DHX32: variants seen among roughly 807,000 people sequenced by gnomAD.
The protein encoded by DHX32 is DEAH-box helicase 32 (putative).
Under a neutral mutation model 70.0 loss-of-function variants are expected in DHX32, and 51 were observed. The ratio of observed to expected loss-of-function variants is 0.73; its 90% CI spans 0.58 to 0.92. The LOEUF (loss-of-function observed/expected upper bound fraction) is 0.92. Ranked by LOEUF, DHX32 falls within the 40% of genes least tolerant of loss-of-function variation. DHX32 has a pLI of 0.00. For synonymous variants in DHX32, 310 were observed against 315.3 expected, an observed-to-expected ratio of 0.98 and a Z score of 0.18; for missense variants, 762 against 891.8, an observed-to-expected ratio of 0.85 and a Z score of 1.85.
At position 125,880,612 on chromosome 10, in the gene DHX32, A is replaced by G; in HGVS notation, c.213T>C (p.Phe71=). The stretch of plus-strand genomic sequence containing the variant: ...TTTGATTTTGAAGCAGGTTCTCCAT[A>G]AAGGAGTATTTTTCTTTCCATATAG... ...DLPIWKEKYS[F]MENLLQNQIV... Residue 71 remains phenylalanine (F), a synonymous_variant, in exon 1 of 11, where the codon TTT becomes TTC. Transcript: ENST00000284690. The G allele has an allele frequency of 6.2e-7, 1 of 1,614,090 alleles. No homozygotes were observed. The highest frequency in any genetic ancestry group is 8.5e-7 in the Non-Finnish European group (1 of 1,179,984).
At chr10:125,842,225 C>T (rs1386759407) in intron 6 of DHX32, 12 of 352,506 alleles carry the variant, frequency 3.4e-5, no homozygotes, top group Non-Finnish European at 6.1e-5. Context: ...AGTAGGAAAA[C>T]AATGCCAGGG....
chr10:125,864,750 G>A (rs1054483950), intron 2 of DHX32, among the ~76,000 whole-genome samples: 4 of 151,674 alleles, frequency 2.6e-5, no homozygotes, highest in Non-Finnish European at 5.9e-5. Flanking sequence ...GCAACATGGC[G>A]AAACCCCGTC....
At chr10:125,854,283 T>A in intron 3 of DHX32, 80 bp from the exon 4 acceptor site, 1 of 1,412,084 alleles carries the variant, frequency 7.1e-7, no homozygotes, top group South Asian at 1.5e-5. Flanking sequence ...TTACAAAAAA[T>A]TTTAGGCAAT....
At position 125,868,833 on chromosome 10, in the gene DHX32, T is replaced by C. The variant is rs559948983; in HGVS notation, c.283-1650A>G. Among the ~76,000 whole-genome samples the C allele has an allele frequency of 3.0e-4, 45 of 152,264 alleles. 1 individual carries two copies. In the South Asian group the frequency reaches 9.3e-3, roughly 32 times the overall value. On this transcript the variant is annotated intron_variant, in intron 1 of 10. Coordinates refer to ENST00000284690, the MANE Select transcript of DHX32 (RefSeq NM_018180.3). ...TCAAGTTTGAACTCTGGTGTCGTTT[T>C]CTCCACAAGGCTTGCTGTGATCCCC...
intron 1 of DHX32, chr10:125,869,229 G>T (rs977769821): frequency 2.0e-4 from 31 of 152,092 alleles, no homozygotes; most frequent in African/African-American, 7.2e-4. Flanking sequence ...CCCTAGCCAA[G>T]ACCTCAAACA....
chr10:125,853,704 T>G, intron 4 of DHX32: 1 of 436,320 alleles, frequency 2.3e-6, no homozygotes, highest in East Asian at 4.0e-5. Flanking sequence ...TATGCTCTAG[T>G]AGTTGAGTCT....
upstream of DHX32, among the ~76,000 whole-genome samples, chr10:125,885,671 A>G (rs970002379): frequency 6.6e-6 from 1 of 152,236 alleles, no homozygotes; most frequent in Non-Finnish European, 1.5e-5. Context: ...CTTCTGATCT[A>G]CGAAGCTGTT....
intron 6 of DHX32, 85 bp downstream of exon 6, chr10:125,852,208 G>C: frequency 4.6e-6 from 7 of 1,506,918 alleles, no homozygotes; most frequent in Non-Finnish European, 6.3e-6. Context: ...GCATTGCTGC[G>C]CATCATGTGA....
intron 6 of DHX32, among the ~76,000 whole-genome samples, chr10:125,849,839 C>A (rs1283209153): frequency 1.3e-5 from 2 of 152,196 alleles, no homozygotes; most frequent in Non-Finnish European, 2.9e-5. Flanking sequence ...AGCGCATATA[C>A]TTCTCTAGTA....
Position 125,839,697 on chromosome 10 carries a change from A to T in DHX32, c.1694-509T>A, listed in dbSNP as rs578023586. Among the ~76,000 whole-genome samples the T allele has an allele frequency of 1.3e-3, 202 of 152,324 alleles. 1 individual carries two copies. The highest frequency in any genetic ancestry group is 4.7e-3 in the African/African-American group (195 of 41,568). On this transcript the variant is annotated intron_variant, in intron 8 of 10. Coordinates refer to ENST00000284690, the MANE Select transcript of DHX32 (RefSeq NM_018180.3). Reference sequence around the variant, plus strand: ...GGTTGATTTGGGAATTAATTATGTTATAGTTAAGCTCATCTATCTACCCTA... The same window carrying T: ...GGTTGATTTGGGAATTAATTATGTTTTAGTTAAGCTCATCTATCTACCCTA...
intron 6 of DHX32, 38 bp downstream of exon 6, chr10:125,852,255 C>T: frequency 6.2e-7 from 1 of 1,605,118 alleles, no homozygotes; most frequent in Non-Finnish European, 8.5e-7. Flanking sequence ...AGGTGAATCT[C>T]AGCCTAATGC....
intron 1 of DHX32, among the ~76,000 whole-genome samples, chr10:125,868,806 CT>C (rs1340778908): frequency 1.3e-5 from 2 of 152,040 alleles, no homozygotes; most frequent in Non-Finnish European, 2.9e-5. Context: ...GAGAATTATC[CT>C]TCAAGTTTGA....
intron 6 of DHX32, among the ~76,000 whole-genome samples, chr10:125,845,920 C>T (rs1045772296): frequency 8.5e-5 from 13 of 152,224 alleles, no homozygotes; most frequent in South Asian, 8.3e-4. Flanking sequence ...GAAGGAAACA[C>T]ACGCAGACCT....
chr10:125,864,850 A>G (rs926668212), intron 2 of DHX32, among the ~76,000 whole-genome samples: 1 of 144,584 alleles, frequency 6.9e-6, no homozygotes, highest in Non-Finnish European at 1.5e-5. Flanking sequence ...TAATCGCTTG[A>G]ACCCGGAAGA....
chr10:125,855,574 G>A (rs1403232220), intron 3 of DHX32, among the ~76,000 whole-genome samples: 8 of 147,762 alleles, frequency 5.4e-5, no homozygotes, highest in African/African-American at 1.5e-4. Context: ...TCAGCCTCCC[G>A]AGTAGCTGGG....
rs1564826175 is a variant in DHX32, at chr10:125,852,310, TCA to T, written c.1332_1333del (p.Cys444Ter). The T allele has an allele frequency of 6.2e-7, 1 of 1,614,132 alleles. No individual in the cohort carries two copies. Among genetic ancestry groups the T allele is most frequent in the South Asian group, 1.1e-5 (1 of 91,084 alleles). On this transcript the variant is annotated stop_gained and frameshift_variant, in exon 6 of 11. Coordinates refer to ENST00000284690, the MANE Select transcript of DHX32 (RefSeq NM_018180.3). LOFTEE classifies it high-confidence loss of function. ...AAGGCTACCTGGTCTGTTCATGAAG[TCA>T]CAGTGGCCTAGGCCCGCAATGTCTA...
At chr10:125,894,922 C>G (rs1275802449) in intron 1 of DHX32, among the ~76,000 whole-genome samples, 6 of 152,286 alleles carry the variant, frequency 3.9e-5, no homozygotes, top group African/African-American at 1.2e-4. Context: ...TACTTTCTGT[C>G]TAAAAATGAA....
intron 6 of DHX32, among the ~76,000 whole-genome samples, chr10:125,851,644 T>C (rs1944090287): frequency 6.6e-6 from 1 of 152,126 alleles, no homozygotes; most frequent in African/African-American, 2.4e-5. Flanking sequence ...GAGACTAGAA[T>C]ATGCCACCCC....
chr10:125,850,155 T>A lies in DHX32; in HGVS notation c.1351+2138A>T, dbSNP rs1033204674. ...TCATTAAAAAAAAAAAAAAAAAAAA[T>A]TTGTAGAGATGGGGTCTTGTTATAT... On this transcript the variant is annotated intron_variant, in intron 6 of 10. Transcript: ENST00000284690. Among the ~76,000 whole-genome samples the A allele has an allele frequency of 4.0e-5, 6 of 149,348 alleles. No individual in the cohort carries two copies. The East Asian group carries it at 1.2e-3, about 29-fold the overall frequency.
Sources: gnomAD v4.1 joint callset for allele counts (sites outside exome capture counted in the v4.1 genomes callset) on GRCh38, gnomAD v4.1.1 for gene constraint, MANE v1.5 for transcripts, NCBI Gene and HGNC (gene_info 2026-07-23, HGNC 2026-07-21) for gene names.